Variants in MTUS1 observed in about 807,000 individuals in gnomAD.
The protein encoded by MTUS1 is microtubule-associated tumor suppressor 1.
Under a neutral mutation model 120.8 loss-of-function variants are expected in MTUS1, and 109 were observed. That is an observed-to-expected ratio of 0.90 (90% CI 0.77 to 1.06). The LOEUF is 1.06. Among genes scored for constraint, MTUS1 ranks in the 50% least tolerant of loss-of-function variants. MTUS1 has a pLI of 0.00. For missense variants in MTUS1, 2,210 were observed against 1,486.3 expected, an observed-to-expected ratio of 1.49 and a Z score of -8.01; for synonymous variants, 737 against 550.5, an observed-to-expected ratio of 1.34 and a Z score of -4.74.
chr8:17,651,519 G>C (rs1177433821), intron 12 of MTUS1: 2 of 148,148 alleles, frequency 1.3e-5, no homozygotes, highest in East Asian at 2.0e-4. Flanking sequence ...TGTTACCCTT[G>C]TACGCAGGAT....
Position 17,754,528 on chromosome 8 carries a change from C to T in MTUS1, c.1280G>A (p.Cys427Tyr), listed in dbSNP as rs367826450. 1.2e-6 allele frequency: 2 copies of T among 1,614,186 alleles called. No homozygotes were observed. The highest frequency in any genetic ancestry group is 1.7e-6 in the Non-Finnish European group (2 of 1,180,042). The change falls in exon 2 of 15, where the codon TGC becomes TAC. Residue 427 changes from cysteine (C) to tyrosine (Y), a missense_variant. Coordinates refer to ENST00000693296, the MANE Select transcript of MTUS1 (RefSeq NM_001363059.2). Reference protein sequence around the residue: ...DMVISTDKTMCMSTPVLEPTK... With the variant: ...DMVISTDKTMYMSTPVLEPTK... ...GGGTTCTAGGACTGGTGTTGACATG[C>T]ACATCGTTTTGTCTGTGCTAATGAC... is the stretch of plus-strand genomic sequence containing the variant.
chr8:17,688,902 G>A (rs561703685), intron 6 of MTUS1, among the ~76,000 whole-genome samples: 53 of 152,248 alleles, frequency 3.5e-4, no homozygotes, highest in South Asian at 1.7e-3. Context: ...AAAGCACAGT[G>A]TTTAGACATT....
intron 14 of MTUS1, among the ~76,000 whole-genome samples, chr8:17,646,594 A>G (rs1157050736): frequency 6.6e-6 from 1 of 152,184 alleles, no homozygotes; most frequent in Non-Finnish European, 1.5e-5. Flanking sequence ...TCTCAAAAAA[A>G]TATATAATAA....
rs1373894577 is a variant in MTUS1, at chr8:17,645,230, C to G, written c.*696G>C. On this transcript the variant is annotated 3_prime_UTR_variant, in exon 15 of 15. Coordinates refer to ENST00000693296, the MANE Select transcript of MTUS1 (RefSeq NM_001363059.2). ...CACTGAAAAACTGCCAAGAAGTTAC[C>G]CCCAAAAGATACAGAGAATGTATAG... 1 of 152,428 alleles carries G rather than the reference C, an allele frequency of 6.6e-6. No individual in the cohort carries two copies. Among genetic ancestry groups the G allele is most frequent in the Non-Finnish European group, 1.5e-5 (1 of 68,006 alleles). The allele number at this position is 152,428 out of a possible 1,614,324, so 9.4% of individuals were successfully genotyped here.
Position 17,797,279 on chromosome 8 carries a change from G to A in MTUS1, c.-155+3782C>T, listed in dbSNP as rs191549662. On this transcript the variant is annotated intron_variant, in intron 1 of 14. Transcript: ENST00000693296. Reference sequence around the variant, plus strand: ...AATACAAAAATTAGCCAGGCATGGCGGCACATGACTGTAGTCCCAGATACT... The same window carrying A: ...AATACAAAAATTAGCCAGGCATGGCAGCACATGACTGTAGTCCCAGATACT... Among the ~76,000 whole-genome samples, 66 of 152,190 alleles carry A rather than the reference G, an allele frequency of 4.3e-4. 1 individual carries two copies. The highest frequency in any genetic ancestry group is 3.4e-3 in the Middle Eastern group (1 of 292).
chr8:17,646,198 A>G, intron 14 of MTUS1, 59 bp from the exon 15 acceptor site: 5 of 1,471,836 alleles, frequency 3.4e-6, no homozygotes, highest in Non-Finnish European at 4.5e-6. Flanking sequence ...AACTTGAAAA[A>G]TTTTTCTTAG....
At chr8:17,759,108 C>T (rs2048847095) in intron 1 of MTUS1, among the ~76,000 whole-genome samples, 1 of 152,040 alleles carries the variant, frequency 6.6e-6, no homozygotes, top group Non-Finnish European at 1.5e-5. Flanking sequence ...GTCTTGATCT[C>T]CTGACCTCGT....
intron 1 of MTUS1, among the ~76,000 whole-genome samples, chr8:17,764,309 C>CTAT (rs1269009736): frequency 3.3e-5 from 5 of 151,352 alleles, no homozygotes; most frequent in Non-Finnish European, 7.4e-5. Context: ...CTCTTACTCA[C>CTAT]TGATATTGTT....
At chr8:17,714,085 G>A (rs1585893085) in intron 5 of MTUS1, among the ~76,000 whole-genome samples, 2 of 152,102 alleles carry the variant, frequency 1.3e-5, no homozygotes, top group Non-Finnish European at 2.9e-5. Flanking sequence ...TGTGGATCAT[G>A]GGGCTTTATC....
Position 17,649,853 on chromosome 8 carries a change from T to C in MTUS1, c.3494A>G (p.Glu1165Gly). Residue 1165 changes from glutamate (E) to glycine (G), a missense_variant, in exon 13 of 15, where the codon GAG becomes GGG. Transcript: ENST00000693296. ...HQQDIKLMKM[E>G]KLVDNNTALV... The stretch of plus-strand genomic sequence containing the variant: ...ATTCTGAAGGAAACATACCAGTTTC[T>C]CCATTTTCATTAACTTGATGTCCTG... The C allele has an allele frequency of 3.2e-6, 5 of 1,549,858 alleles. No homozygotes were observed. Among genetic ancestry groups the C allele is most frequent in the Non-Finnish European group, 4.5e-6 (5 of 1,121,902 alleles).
At position 17,736,679 on chromosome 8, in the gene MTUS1, G is replaced by A. The variant is rs561295484; in HGVS notation, c.2287+6925C>T. On this transcript the variant is annotated intron_variant, in intron 3 of 14. Coordinates refer to ENST00000693296, the MANE Select transcript of MTUS1 (RefSeq NM_001363059.2). ...AGCTAGCTGCAACCTCCACCTCCCA[G>A]GTTCAAGAGATTCTCCTGCCTCAGC... 1.1e-4 allele frequency among the ~76,000 whole-genome samples: 17 copies of A among 152,160 alleles called. No homozygotes were observed. The South Asian group carries it at 2.7e-3, about 24-fold the overall frequency.
chr8:17,669,113 G>C (rs191981318), intron 8 of MTUS1, among the ~76,000 whole-genome samples: 293 of 152,306 alleles, frequency 1.9e-3, no homozygotes, highest in African/African-American at 6.7e-3. Flanking sequence ...CCTAATTCTA[G>C]ATGGCAAGAA....
chr8:17,644,960 T>A lies in MTUS1; in HGVS notation c.*966A>T, dbSNP rs73668803. 1 of 152,138 alleles carries A rather than the reference T, an allele frequency of 6.6e-6. No individual in the cohort carries two copies. The highest frequency in any genetic ancestry group is 1.5e-5 in the Non-Finnish European group (1 of 67,994). The allele number at this position is 152,138 out of a possible 1,614,324, so 9.4% of individuals were successfully genotyped here. A position where few individuals can be genotyped will look rare whatever the true frequency, so the allele number is the denominator to read the frequency against. ...AAAGGTAAAAGGAAAATGAGAATAATGGGAGGGAAGAAGACAGGTTAAATC... is the reference window on the plus strand; with the variant it reads ...AAAGGTAAAAGGAAAATGAGAATAAAGGGAGGGAAGAAGACAGGTTAAATC... On this transcript the variant is annotated 3_prime_UTR_variant, in exon 15 of 15. Coordinates refer to ENST00000693296, the MANE Select transcript of MTUS1 (RefSeq NM_001363059.2).
chr8:17,654,442 C>G, intron 10 of MTUS1, 119 bp downstream of exon 10: 1 of 710,096 alleles, frequency 1.4e-6, no homozygotes, highest in East Asian at 2.7e-5. Flanking sequence ...AAGAACACCC[C>G]AGCCTGAAGG....
intron 1 of MTUS1, among the ~76,000 whole-genome samples, chr8:17,764,654 G>A (rs919018584): frequency 6.6e-6 from 1 of 152,206 alleles, no homozygotes; most frequent in African/African-American, 2.4e-5. Context: ...GGTCTGTGCT[G>A]CATTTATTCA....
At chr8:17,711,204 C>G (rs1252610723) in intron 6 of MTUS1, among the ~76,000 whole-genome samples, 4 of 152,202 alleles carry the variant, frequency 2.6e-5, no homozygotes, top group Non-Finnish European at 5.9e-5. Flanking sequence ...AGCTTGTCAT[C>G]TGAAGCCAGG....
rs766279333 is a variant in MTUS1 at position 17,755,629 on chromosome 8, G to C, written c.179C>G (p.Thr60Ser). ...TTCACCAGTAACTACAGCAGGGTCA[G>C]TTTCATAATCAACCACCATGTCATC... ...NPDDMVVDYE[T>S]DPAVVTGENI... The change falls in exon 2 of 15, where the codon ACT becomes AGT. Residue 60 changes from threonine (T) to serine (S), a missense_variant. Transcript: ENST00000693296. 3 of 1,614,218 alleles carry C rather than the reference G, an allele frequency of 1.9e-6. No homozygotes were observed. Among genetic ancestry groups the C allele is most frequent in the South Asian group, 1.1e-5 (1 of 91,086 alleles).
intron 7 of MTUS1, chr8:17,676,257 A>G (rs1813084921): frequency 2.8e-6 from 2 of 702,940 alleles, no homozygotes; most frequent in African/African-American, 3.5e-5. Flanking sequence ...GAAAAGCACT[A>G]TAAACAAATA....
chr8:17,682,662 G>A (rs7460656), intron 7 of MTUS1, among the ~76,000 whole-genome samples: 71,632 of 151,898 alleles, frequency 0.47, 17,323 homozygotes, highest in East Asian at 0.58. Context: ...CTTGACTGAC[G>A]TCATGAGGAG....
Sources: gnomAD v4.1 joint callset for allele counts (sites outside exome capture counted in the v4.1 genomes callset) on GRCh38, gnomAD v4.1.1 for gene constraint, MANE v1.5 for transcripts, NCBI Gene and HGNC (gene_info 2026-07-23, HGNC 2026-07-21) for gene names.